Variants in ANKS1B observed in about 807,000 individuals in gnomAD.
ANKS1B encodes ankyrin repeat and sterile alpha motif domain-containing protein 1B.
ANKS1B carries 36 observed loss-of-function variants against 148.3 expected under a neutral mutation model. The observed-to-expected ratio is 0.24, with a 90% confidence interval of 0.19 to 0.32. ANKS1B has a LOEUF of 0.32. ANKS1B is among the 10% of genes least tolerant of loss of function. The pLI is 1.00. For missense variants in ANKS1B, 1,157 were observed against 1,542.6 expected (o/e 0.75, Z 4.19); for synonymous variants, 542 against 560.8 (o/e 0.97, Z 0.47).
At chr12:99,485,608 C>T (rs1023384164) in intron 10 of ANKS1B, among the ~76,000 whole-genome samples, 2 of 152,030 alleles carry the variant, frequency 1.3e-5, no homozygotes, top group African/African-American at 4.8e-5. Flanking sequence ...CAATTATTCC[C>T]TCAAATAAGT....
chr12:99,408,452 A>G (rs1594183873), intron 11 of ANKS1B, among the ~76,000 whole-genome samples: 1 of 146,166 alleles, frequency 6.8e-6, no homozygotes, highest in East Asian at 1.9e-4. Context: ...AAATTTCTTA[A>G]GGAACACTTC....
intron 15 of ANKS1B, among the ~76,000 whole-genome samples, chr12:99,107,920 A>G (rs1038276998): frequency 2.0e-5 from 3 of 152,214 alleles, no homozygotes; most frequent in Non-Finnish European, 4.4e-5. Context: ...ATTTTTTTAA[A>G]CCATAGCGAC....
At chr12:99,303,192 G>T (rs61940248) in intron 12 of ANKS1B, among the ~76,000 whole-genome samples, 3,584 of 152,076 alleles carry the variant, frequency 0.024, 69 homozygotes, top group South Asian at 0.038. Flanking sequence ...TGTTACATGG[G>T]GAAGGTGTAT....
chr12:99,397,458 G>A lies in ANKS1B; in HGVS notation c.1756+2173C>T, dbSNP rs182278964. Among the ~76,000 whole-genome samples the A allele has an allele frequency of 4.2e-4, 64 of 152,132 alleles. 1 individual carries two copies. In the East Asian group the frequency reaches 0.012, roughly 29 times the overall value. On this transcript the variant is annotated intron_variant, in intron 12 of 26. Coordinates refer to ENST00000683438, the MANE Select transcript of ANKS1B (RefSeq NM_001352186.2). ...AGCTTACATTCTAGAAAGACGACAA[G>A]AAATAAGTAAAGAAGTAACCAATAT...
intron 12 of ANKS1B, among the ~76,000 whole-genome samples, chr12:99,391,079 A>G (rs2094048366): frequency 6.6e-6 from 1 of 152,188 alleles, no homozygotes. Flanking sequence ...CTCCGGCCCC[A>G]TGTACCAGCC....
chr12:98,999,341 G>A (rs566157273), intron 17 of ANKS1B, among the ~76,000 whole-genome samples: 75 of 152,218 alleles, frequency 4.9e-4, no homozygotes, highest in African/African-American at 1.6e-3. Context: ...ACAAACTGGC[G>A]TTTCTAATCA....
chr12:99,601,203 G>A (rs1486035074), intron 9 of ANKS1B, among the ~76,000 whole-genome samples: 1 of 152,044 alleles, frequency 6.6e-6, no homozygotes. Context: ...CTCAATAGAT[G>A]AGGATGACAA....
intron 15 of ANKS1B, among the ~76,000 whole-genome samples, chr12:99,101,335 CAA>C (rs1214228160): frequency 6.6e-6 from 1 of 152,150 alleles, no homozygotes; most frequent in Non-Finnish European, 1.5e-5. Flanking sequence ...AGCCATAATA[CAA>C]GAGACAATGA....
chr12:99,903,560 TG>T (rs1364112001), intron 1 of ANKS1B, among the ~76,000 whole-genome samples: 3 of 152,342 alleles, frequency 2.0e-5, no homozygotes, highest in Non-Finnish European at 4.4e-5. Context: ...AGGGTAGTGC[TG>T]TCCAATAGAA....
intron 15 of ANKS1B, among the ~76,000 whole-genome samples, chr12:99,134,645 TCACACACACACACA>T (rs4016023): frequency 0.07 from 7,365 of 105,024 alleles, 601 homozygotes; most frequent in African/African-American, 0.2. Flanking sequence ...TCTCTCTCTC[TCACACACACACACA>T]CACACACACA....
intron 12 of ANKS1B, among the ~76,000 whole-genome samples, chr12:99,396,067 A>G (rs987869317): frequency 6.6e-6 from 1 of 152,204 alleles, no homozygotes; most frequent in African/African-American, 2.4e-5. Flanking sequence ...ATAGTATTAA[A>G]AACAAAAATA....
intron 14 of ANKS1B, among the ~76,000 whole-genome samples, chr12:99,230,404 C>T (rs757161587): frequency 3.9e-5 from 6 of 151,956 alleles, no homozygotes; most frequent in East Asian, 3.9e-4. Flanking sequence ...TACTAATGGG[C>T]GATTTCACTT....
intron 17 of ANKS1B, among the ~76,000 whole-genome samples, chr12:99,037,705 C>A (rs901897082): frequency 1.1e-4 from 16 of 152,172 alleles, no homozygotes; most frequent in African/African-American, 3.1e-4. Flanking sequence ...GGACTAAAGA[C>A]CCTGAGGCTT....
At chr12:99,488,437 G>T (rs189035841) in intron 10 of ANKS1B, among the ~76,000 whole-genome samples, 1 of 152,170 alleles carries the variant, frequency 6.6e-6, no homozygotes, top group African/African-American at 2.4e-5. Flanking sequence ...TGGTTTCGAA[G>T]ATATATTTTC....
chr12:99,555,418 G>A (rs556773646), intron 9 of ANKS1B, among the ~76,000 whole-genome samples: 9 of 152,144 alleles, frequency 5.9e-5, no homozygotes, highest in African/African-American at 2.2e-4. Flanking sequence ...CTTTTTATTT[G>A]GATGCCTTTT....
chr12:99,386,712 T>C (rs1037426532), intron 12 of ANKS1B, among the ~76,000 whole-genome samples: 2 of 152,216 alleles, frequency 1.3e-5, no homozygotes, highest in African/African-American at 4.8e-5. Flanking sequence ...GAAAAATGAA[T>C]ATCTTCCTCA....
chr12:99,365,198 G>C (rs1348323121), intron 12 of ANKS1B, among the ~76,000 whole-genome samples: 1 of 152,134 alleles, frequency 6.6e-6, no homozygotes, highest in Non-Finnish European at 1.5e-5. Flanking sequence ...CGCCCACAAG[G>C]GCTGCCCACA....
chr12:99,008,728 G>GA (rs371006342), intron 17 of ANKS1B, among the ~76,000 whole-genome samples: 1 of 152,024 alleles, frequency 6.6e-6, no homozygotes, highest in African/African-American at 2.4e-5. Context: ...AAATATAAAA[G>GA]AAAAAAATTT....
chr12:98,907,752 G>C (rs1321108030), intron 17 of ANKS1B, among the ~76,000 whole-genome samples: 2 of 152,160 alleles, frequency 1.3e-5, no homozygotes, highest in Non-Finnish European at 2.9e-5. Flanking sequence ...TGCTGTGGGA[G>C]GGACCCAGTG....
Sources: allele counts gnomAD v4.1 joint callset (sites outside exome capture counted in the v4.1 genomes callset), GRCh38; gene constraint gnomAD v4.1.1; transcripts MANE v1.5; gene names NCBI Gene and HGNC (gene_info 2026-07-23, HGNC 2026-07-21).